Variants in UBXN2A observed in about 807,000 individuals in gnomAD.
UBXN2A encodes the protein UBX domain protein 2A, also known as UBX domain-containing protein 2A.
UBXN2A carries 28 observed loss-of-function variants against 28.4 expected under a neutral mutation model. That is an observed-to-expected ratio of 0.99 (90% CI 0.73 to 1.35). The LOEUF is 1.35. Among genes scored for constraint, UBXN2A ranks in the 40% most tolerant of loss-of-function variants. UBXN2A has a pLI of 0.00. For missense variants in UBXN2A, 253 were observed against 297.9 expected (o/e 0.85, Z 1.11); for synonymous variants, 97 against 103.6 (o/e 0.94, Z 0.39).
intron 1 of UBXN2A, among the ~76,000 whole-genome samples, chr2:23,944,512 A>G (rs1354763810): frequency 6.6e-6 from 1 of 152,182 alleles, no homozygotes; most frequent in African/African-American, 2.4e-5. Flanking sequence ...TGTAGACCGT[A>G]ATGGTGGAAA....
At chr2:23,935,223 AAATT>A (rs1705488758) in intron 1 of UBXN2A, among the ~76,000 whole-genome samples, 2 of 152,344 alleles carry the variant, frequency 1.3e-5, no homozygotes, top group Admixed American at 6.5e-5. Context: ...AAACAAGAAT[AAATT>A]AATTTGACTG....
intron 1 of UBXN2A, among the ~76,000 whole-genome samples, chr2:23,935,167 T>G (rs184399373): frequency 6.6e-6 from 1 of 152,270 alleles, no homozygotes; most frequent in East Asian, 1.9e-4. Flanking sequence ...TTCATGACAT[T>G]GTATTTGGCA....
At position 23,951,413 on chromosome 2, in the gene UBXN2A, GATATATATATAT is replaced by G. The variant is rs57701448; in HGVS notation, c.-14-6848_-14-6837del. On this transcript the variant is annotated intron_variant, in intron 1 of 6. Transcript: ENST00000309033. ...ATTATAATTGATATACAGTAAGATG[GATATATATATAT>G]ATATATATATATATATATATATATA... 3.7e-3 allele frequency among the ~76,000 whole-genome samples: 403 copies of G among 109,850 alleles called. 5 individuals are homozygous for G. Among genetic ancestry groups the G allele is most frequent in the African/African-American group, 0.011 (268 of 24,338 alleles). 72.1% of individuals were successfully genotyped at this position (109,850 alleles called of 152,430 possible).
In UBXN2A at chr2:23,944,371, T is replaced by C. The variant is rs2150802927; in HGVS notation, c.-15+3723T>C. On this transcript the variant is annotated intron_variant, in intron 1 of 6. Transcript: ENST00000309033. ...GTGTGAAGAACTGAGGTGACCAGCA[T>C]CATCTTCCTACACATTATTGTATTC... The C allele has an allele frequency of 2.8e-6, 4 of 1,443,650 alleles. No homozygotes were observed. In the African/African-American group the frequency reaches 5.6e-5, roughly 20 times the overall value. The allele number at this position is 1,443,650 out of a possible 1,614,324, so 89.4% of individuals were successfully genotyped here.
chr2:23,933,379 G>T (rs1705432929), intron 1 of UBXN2A, among the ~76,000 whole-genome samples: 1 of 152,084 alleles, frequency 6.6e-6, no homozygotes, highest in African/African-American at 2.4e-5. Context: ...GGTGGTGCAT[G>T]CCTGTAATCC....
chr2:23,936,206 C>T (rs1553466466), upstream of UBXN2A, among the ~76,000 whole-genome samples: 1 of 151,966 alleles, frequency 6.6e-6, no homozygotes, highest in Non-Finnish European at 1.5e-5. Context: ...CCCAAATGGC[C>T]GTCAACATAT....
intron 1 of UBXN2A, among the ~76,000 whole-genome samples, chr2:23,928,132 C>T (rs976041764): frequency 8.0e-5 from 12 of 149,278 alleles, no homozygotes; most frequent in Non-Finnish European, 1.6e-4. Flanking sequence ...GCCGAAATCA[C>T]GCCACTGCAC....
chr2:23,998,762 C>T (rs1708637446), intron 6 of UBXN2A, among the ~76,000 whole-genome samples: 2 of 151,958 alleles, frequency 1.3e-5, no homozygotes, highest in African/African-American at 4.8e-5. Context: ...CAGGGTCTCA[C>T]CCTTTCATCC....
intron 6 of UBXN2A, among the ~76,000 whole-genome samples, chr2:23,993,062 G>C (rs1708408902): frequency 1.3e-5 from 2 of 152,030 alleles, no homozygotes; most frequent in African/African-American, 4.8e-5. Flanking sequence ...TTTTATTTCT[G>C]TCAAAACCAT....
intron 3 of UBXN2A, among the ~76,000 whole-genome samples, chr2:23,974,119 A>C (rs1200180448): frequency 6.9e-6 from 1 of 145,012 alleles, no homozygotes; most frequent in Non-Finnish European, 1.5e-5. Context: ...GGTTCATGCC[A>C]TTCTCCTGCC....
At chr2:23,941,422 C>T (rs1224386992) in intron 1 of UBXN2A, among the ~76,000 whole-genome samples, 2 of 152,122 alleles carry the variant, frequency 1.3e-5, no homozygotes, top group African/African-American at 2.4e-5. Flanking sequence ...TCAGTGAATA[C>T]AGAGTATCTT....
chr2:23,985,079 T>TA, intron 6 of UBXN2A, among the ~76,000 whole-genome samples: 1 of 152,046 alleles, frequency 6.6e-6, no homozygotes, highest in Non-Finnish European at 1.5e-5. Flanking sequence ...TTTTTTTTTT[T>TA]AATTTTTATT....
Position 23,982,980 on chromosome 2 carries a change from G to A in UBXN2A, c.372G>A (p.Leu124=), listed in dbSNP as rs768236627. Residue 124 remains leucine (L), a synonymous_variant, in exon 5 of 7, where the codon TTG becomes TTA. Transcript: ENST00000309033. ...AAGACAAGAAAAATGAAATATGTTTGTCTACGAAGCCTGTGTTCCAGCCCT... is the reference window on the plus strand; with the variant it reads ...AAGACAAGAAAAATGAAATATGTTTATCTACGAAGCCTGTGTTCCAGCCCT... The part of the protein sequence containing the change: ...KVEDKKNEIC[L]STKPVFQPFS... 12 of 1,611,692 alleles carry A rather than the reference G, an allele frequency of 7.4e-6. No homozygotes were observed. The highest frequency in any genetic ancestry group is 1.1e-5 in the South Asian group (1 of 90,562).
At chr2:23,976,877 G>A (rs182573977) in intron 3 of UBXN2A, 92 bp from the exon 4 acceptor site, 21 of 1,042,828 alleles carry the variant, frequency 2.0e-5, no homozygotes, top group Middle Eastern at 3.0e-4. Flanking sequence ...CACCCCACCC[G>A]GCCTGAATAG....
At chr2:23,931,990 G>A (rs1488150517) in intron 1 of UBXN2A, among the ~76,000 whole-genome samples, 1 of 151,134 alleles carries the variant, frequency 6.6e-6, no homozygotes, top group Admixed American at 6.6e-5. Flanking sequence ...CAGCCTGGGT[G>A]ACAGAGCGAG....
intron 1 of UBXN2A, among the ~76,000 whole-genome samples, chr2:23,948,788 A>G (rs1169425219): frequency 6.6e-6 from 1 of 152,190 alleles, no homozygotes; most frequent in African/African-American, 2.4e-5. Flanking sequence ...GGTCTATTCT[A>G]TCTTCATTCT....
In UBXN2A at chr2:23,999,882, A is replaced by T; in HGVS notation, c.*15A>T. On this transcript the variant is annotated 3_prime_UTR_variant, in exon 7 of 7. Coordinates refer to ENST00000309033, the MANE Select transcript of UBXN2A (RefSeq NM_181713.4). The stretch of plus-strand genomic sequence containing the variant: ...CAGAGCACTGATTTTTGATAGACTA[A>T]GTGGAAAATTTGCAGAGAAATGATG... The T allele has an allele frequency of 6.2e-7, 1 of 1,604,176 alleles. No homozygotes were observed. The highest frequency in any genetic ancestry group is 8.5e-7 in the Non-Finnish European group (1 of 1,175,068).
At chr2:23,987,453 A>G (rs1708175873) in intron 6 of UBXN2A, among the ~76,000 whole-genome samples, 1 of 152,138 alleles carries the variant, frequency 6.6e-6, no homozygotes, top group Non-Finnish European at 1.5e-5. Context: ...TTATTTCCAA[A>G]TAATTACTCT....
intron 1 of UBXN2A, among the ~76,000 whole-genome samples, chr2:23,932,313 T>C (rs1218747575): frequency 2.8e-5 from 4 of 140,938 alleles, no homozygotes; most frequent in African/African-American, 7.9e-5. Context: ...GCAGGATTTT[T>C]CCCCCTCCGT....
Sources: gnomAD v4.1 joint callset for allele counts (sites outside exome capture counted in the v4.1 genomes callset) on GRCh38, gnomAD v4.1.1 for gene constraint, MANE v1.5 for transcripts, NCBI Gene and HGNC (gene_info 2026-07-23, HGNC 2026-07-21) for gene names.